FBXL19: variants seen among roughly 807,000 people sequenced by gnomAD.
FBXL19 encodes F-box/LRR-repeat protein 19.
FBXL19 carries 16 observed loss-of-function variants against 71.2 expected under a neutral mutation model. That is an observed-to-expected ratio of 0.22 (90% CI 0.15 to 0.34). The LOEUF is 0.34. Ranked by LOEUF, FBXL19 falls within the 10% of genes least tolerant of loss-of-function variation. The pLI, the probability that FBXL19 is intolerant of heterozygous loss-of-function variation, is 1.00. For synonymous variants in FBXL19, 447 were observed against 409.4 expected (o/e 1.09, Z -1.11); for missense variants, 658 against 968.2 (o/e 0.68, Z 4.25).
rs202132610 is a variant in FBXL19 at position 30,928,546 on chromosome 16, C to T, written c.707C>T (p.Pro236Leu). 82 of 1,607,972 alleles carry T rather than the reference C, an allele frequency of 5.1e-5. No homozygotes were observed. The African/African-American group carries it at 6.4e-4, about 13-fold the overall frequency. ...CLLRGSDPGG[P>L]GLLPPRVLNP... ...CTCCGAGGATCGGACCCAGGCGGCC[C>T]GGGCCTGCTGCCCCCCAGGGTTCTG... The change falls in exon 6 of 11, where the codon CCG (proline) becomes CTG (leucine). Residue 236 changes from proline to leucine, a missense_variant. Around this residue, in one of 8 missense-constraint regions of FBXL19, gnomAD observed 447 missense variants for 515.4 expected, o/e 0.87. Transcript: ENST00000338343.
In FBXL19 at chr16:30,927,295, T is replaced by C; in HGVS notation, c.178-13T>C. On this transcript the variant is annotated splice_polypyrimidine_tract_variant and intron_variant, in intron 2 of 10. Coordinates refer to ENST00000338343, the MANE Select transcript of FBXL19 (RefSeq NM_001382779.1). ...AGCTTTCGGGGCCCCTGATGTCCCCTCTCCCCCAACAGCCCGTGCTCCCAC... is the reference window on the plus strand; with the variant it reads ...AGCTTTCGGGGCCCCTGATGTCCCCCCTCCCCCAACAGCCCGTGCTCCCAC... The C allele has an allele frequency of 1.9e-6, 3 of 1,544,312 alleles. No homozygotes were observed. Among genetic ancestry groups the C allele is most frequent in the Non-Finnish European group, 2.6e-6 (3 of 1,144,368 alleles).
intron 7 of FBXL19, among the ~76,000 whole-genome samples, chr16:30,934,091 A>G (rs1165579459): frequency 6.7e-6 from 1 of 149,576 alleles, no homozygotes; most frequent in African/African-American, 2.4e-5. Context: ...TGGGCCAGGC[A>G]TGATGGCTCA....
At chr16:30,924,703 G>A in intron 1 of FBXL19, 1 of 1,485,416 alleles carries the variant, frequency 6.7e-7, no homozygotes, top group Non-Finnish European at 8.9e-7. Context: ...CCCCTCCCCT[G>A]GAGCGCTGGA....
chr16:30,930,036 CAGGCCCTA>C lies in FBXL19; in HGVS notation c.790-36_790-29del. 1 of 1,582,130 alleles carries C rather than the reference CAGGCCCTA, an allele frequency of 6.3e-7. No homozygotes were observed. On this transcript the variant is annotated intron_variant, in intron 6 of 10. Coordinates refer to ENST00000338343, the MANE Select transcript of FBXL19 (RefSeq NM_001382779.1). The surrounding 1 kb of genome is among the most constrained non-coding windows in gnomAD (Gnocchi z 8.5). The stretch of plus-strand genomic sequence containing the variant: ...GGTAGGGGGGTGGGAAAATGTATCC[CAGGCCCTA>C]GAACAGCATCAACCCTGTCTCCCTG...
At chr16:30,927,281 C>G in intron 2 of FBXL19, 27 bp from the exon 3 acceptor site, 1 of 1,532,848 alleles carries the variant, frequency 6.5e-7, no homozygotes, top group Non-Finnish European at 8.8e-7. Flanking sequence ...GCTTTCGGGG[C>G]CCCTGATGTC....
chr16:30,930,197 C>G lies in FBXL19; in HGVS notation c.914C>G (p.Ser305Cys). ...QLLERVPDTS[S>C]SSSDSDSDSD... ...CTGGAACGGGTGCCTGACACCTCCT[C>G]TTCCTCCTCGGACTCAGACTCCGAC... Residue 305 changes from serine to cysteine, a missense_variant, in exon 7 of 11, where the codon TCT (serine) becomes TGT (cysteine). Ser to Cys is a moderately radical substitution (Grantham distance 112). This residue lies in a region of FBXL19 where 447 missense variants were observed against 515.4 expected (regional missense o/e 0.87). Coordinates refer to ENST00000338343, the MANE Select transcript of FBXL19 (RefSeq NM_001382779.1). This position sits in a 1 kb window ranked among gnomAD's most constrained non-coding sequence, Gnocchi z 8.5. 6.2e-7 allele frequency: 1 copy of G among 1,613,266 alleles called. No individual in the cohort carries two copies.
At chr16:30,939,819 G>C (rs1254872671) in intron 7 of FBXL19, among the ~76,000 whole-genome samples, 2 of 152,108 alleles carry the variant, frequency 1.3e-5, no homozygotes, top group African/African-American at 4.8e-5. Flanking sequence ...CACTGCCCCA[G>C]CCCAGGGCTT....
Position 30,924,259 on chromosome 16 carries a change from C to T in FBXL19, c.-225C>T, listed in dbSNP as rs1028651541. Reference sequence around the variant, plus strand: ...GCCGCGCCGCAGCCCGTGGGAGGGCCTCGCCCCCGGCGCCCCCCATCTCCA... The same window carrying T: ...GCCGCGCCGCAGCCCGTGGGAGGGCTTCGCCCCCGGCGCCCCCCATCTCCA... On this transcript the variant is annotated 5_prime_UTR_variant, in exon 1 of 11. Transcript: ENST00000338343. 6.6e-6 allele frequency: 1 copy of T among 152,016 alleles called. No homozygotes were observed. Among genetic ancestry groups the T allele is most frequent in the Non-Finnish European group, 1.5e-5 (1 of 68,028 alleles). 9.4% of individuals were successfully genotyped at this position (152,016 alleles called of 1,614,324 possible). A position where few individuals can be genotyped will look rare whatever the true frequency, so the allele number is the denominator to read the frequency against.
Position 30,930,547 on chromosome 16 carries a change from T to A in FBXL19, c.1264T>A (p.Cys422Ser). ...VFQHLGPREL[C>S]ICMRVCRTWS... ...CCAGCACCTCGGGCCGCGGGAGCTG[T>A]GTATCTGCATGCGAGTCTGCCGAAC... is the stretch of plus-strand genomic sequence containing the variant. Residue 422 changes from cysteine to serine, a missense_variant, in exon 7 of 11, where the codon TGT becomes AGT. Cys to Ser is a moderately radical substitution (Grantham distance 112, BLOSUM62 -1). Transcript: ENST00000338343. The surrounding 1 kb of genome is among the most constrained non-coding windows in gnomAD (Gnocchi z 8.5). 1 of 1,487,330 alleles carries A rather than the reference T, an allele frequency of 6.7e-7. No individual in the cohort carries two copies. The highest frequency in any genetic ancestry group is 8.9e-7 in the Non-Finnish European group (1 of 1,126,938). The allele number at this position is 1,487,330 out of a possible 1,614,324, so 92.1% of individuals were successfully genotyped here.
intron 9 of FBXL19, among the ~76,000 whole-genome samples, chr16:30,944,525 CT>C (rs1384715647): frequency 6.6e-6 from 1 of 152,074 alleles, no homozygotes; most frequent in Non-Finnish European, 1.5e-5. Flanking sequence ...TGATCTTGTT[CT>C]TTTTTATGGC....
rs1264987979 is a variant in FBXL19 at position 30,925,786 on chromosome 16, G to T, written c.32G>T (p.Gly11Val). The stretch of plus-strand genomic sequence containing the variant: ...TCGAGCAGCCGGGGGCCGGGGGCCG[G>T]AGCGCGCCGACGCCGAACCCGCTGC... MSSSSRGPGAGARRRRTRCRR... is the reference protein window; with the variant it reads MSSSSRGPGAVARRRRTRCRR... Residue 11 changes from glycine (G) to valine (V), a missense_variant, in exon 2 of 11, where the codon GGA becomes GTA. Physicochemically the swap from Gly to Val is moderately radical, Grantham distance 109 (BLOSUM62 -3). Transcript: ENST00000338343. The surrounding 1 kb of genome is among the most constrained non-coding windows in gnomAD (Gnocchi z 5.0). 2 of 1,490,590 alleles carry T rather than the reference G, an allele frequency of 1.3e-6. No individual in the cohort carries two copies. The highest frequency in any genetic ancestry group is 1.4e-5 in the African/African-American group (1 of 69,018). 92.3% of individuals were successfully genotyped at this position (1,490,590 alleles called of 1,614,324 possible). A position where few individuals can be genotyped will look rare whatever the true frequency, so the allele number is the denominator to read the frequency against.
chr16:30,940,337 T>G (rs1008796666), intron 7 of FBXL19, among the ~76,000 whole-genome samples: 5 of 151,778 alleles, frequency 3.3e-5, no homozygotes, highest in African/African-American at 1.2e-4. Context: ...GGAGGATGGC[T>G]TGAGCCCAGG....
At chr16:30,935,300 A>G (rs1004189724) in intron 7 of FBXL19, among the ~76,000 whole-genome samples, 11 of 152,148 alleles carry the variant, frequency 7.2e-5, no homozygotes, top group African/African-American at 2.7e-4. Context: ...AGTGAAGGAC[A>G]AGAGAGCAGG....
upstream of FBXL19, chr16:30,923,006 C>G (rs1596647396): frequency 8.8e-6 from 4 of 456,512 alleles, no homozygotes; most frequent in African/African-American, 8.0e-5. Flanking sequence ...CTAATCCCAT[C>G]GCACCTCGTA....
In FBXL19 at chr16:30,942,622, A is replaced by G. The variant is rs1405933381; in HGVS notation, c.1627+86A>G. The G allele has an allele frequency of 4.9e-6, 7 of 1,440,090 alleles. No homozygotes were observed. Among genetic ancestry groups the G allele is most frequent in the Middle Eastern group, 1.9e-4 (1 of 5,342 alleles). The allele number at this position is 1,440,090 out of a possible 1,614,324, so 89.2% of individuals were successfully genotyped here. ...TCAGGTCTCTTCTGACTCATGCTGG[A>G]TGGTAAAGTATTTGAAGAAAGGAAA... On this transcript the variant is annotated intron_variant, in intron 9 of 10. Transcript: ENST00000338343. The surrounding 1 kb of genome is among the most constrained non-coding windows in gnomAD (Gnocchi z 5.7).
Position 30,934,864 on chromosome 16 carries a change from A to G in FBXL19, c.1301+4280A>G, listed in dbSNP as rs190607167. Among the ~76,000 whole-genome samples the G allele has an allele frequency of 3.3e-5, 5 of 152,238 alleles. No individual in the cohort carries two copies. In the East Asian group the frequency reaches 5.8e-4, roughly 18 times the overall value. ...GACGTGTGGGTCTGATGCTCAGGAG[A>G]AAGATACACGTTTGGGAGTTCTCAG... On this transcript the variant is annotated intron_variant, in intron 7 of 10. Transcript: ENST00000338343.
At chr16:30,940,459 GAC>G (rs2055790859) in intron 7 of FBXL19, among the ~76,000 whole-genome samples, 1 of 151,462 alleles carries the variant, frequency 6.6e-6, no homozygotes, top group Admixed American at 6.6e-5. Flanking sequence ...TGCTGCTTCT[GAC>G]ACAGTCTATT....
chr16:30,926,471 A>C (rs1254329356), intron 2 of FBXL19, among the ~76,000 whole-genome samples: 2 of 152,182 alleles, frequency 1.3e-5, no homozygotes, highest in Non-Finnish European at 2.9e-5. Flanking sequence ...AGCACACAGT[A>C]GGGATCGGGG....
At position 30,927,751 on chromosome 16, in the gene FBXL19, G is replaced by A. The variant is rs1238828807; in HGVS notation, c.415G>A (p.Gly139Ser). 24 of 1,556,976 alleles carry A rather than the reference G, an allele frequency of 1.5e-5. No homozygotes were observed. The highest frequency in any genetic ancestry group is 9.7e-5 in the Admixed American group (5 of 51,414). ...CAGCTTCTGTCCCGCCTAGGATTCA[G>A]GTGAGGGGCCTGGCCGCCGTAGGGC... Reference protein sequence around the residue: ...TQEGRTSKDSGEGPGRRRADN... With the variant: ...TQEGRTSKDSSEGPGRRRADN... The change falls in exon 5 of 11, where the codon GGT becomes AGT. Residue 139 changes from glycine to serine, a missense_variant. By Grantham distance (56) the Gly-to-Ser change is moderately conservative. Coordinates refer to ENST00000338343, the MANE Select transcript of FBXL19 (RefSeq NM_001382779.1).
Sources: gnomAD v4.1 joint callset for allele counts (sites outside exome capture counted in the v4.1 genomes callset) on GRCh38, gnomAD v4.1.1 for gene constraint, gnomAD v4.1.1 regional missense constraint, Gnocchi (gnomAD v3.1) non-coding constraint, MANE v1.5 for transcripts, NCBI Gene and HGNC (gene_info 2026-07-23, HGNC 2026-07-21) for gene names.